The following KCNH5 variants were observed in gnomAD, a reference collection of about 807,000 sequenced individuals.
KCNH5 encodes the protein potassium voltage-gated channel subfamily H member 5.
A neutral mutation model predicts 96.1 loss-of-function variants in KCNH5; 46 were observed. The ratio of observed to expected loss-of-function variants is 0.48; its 90% CI spans 0.38 to 0.61. The LOEUF (loss-of-function observed/expected upper bound fraction) is 0.61. KCNH5 is among the 20% of genes least tolerant of loss of function. The pLI is 0.00. For missense variants in KCNH5, 907 were observed against 1,225.8 expected (o/e 0.74, Z 3.88); for synonymous variants, 439 against 449.8 (o/e 0.98, Z 0.30).
intron 8 of KCNH5, among the ~76,000 whole-genome samples, chr14:62,843,664 C>G (rs1887633537): frequency 6.6e-6 from 1 of 152,108 alleles, no homozygotes; most frequent in African/African-American, 2.4e-5. Context: ...CCTGCCTCAG[C>G]CTCCCAAAGT....
intron 6 of KCNH5, among the ~76,000 whole-genome samples, chr14:62,968,965 C>T (rs759981249): frequency 6.6e-6 from 1 of 152,232 alleles, no homozygotes; most frequent in African/African-American, 2.4e-5. Context: ...TAATCCAATA[C>T]TCAATATAAA....
chr14:62,806,844 G>T (rs1229313794), intron 8 of KCNH5, among the ~76,000 whole-genome samples: 1 of 152,142 alleles, frequency 6.6e-6, no homozygotes, highest in Admixed American at 6.6e-5. Flanking sequence ...GATGTTAACT[G>T]CTATTCTCTT....
intron 7 of KCNH5, among the ~76,000 whole-genome samples, chr14:62,850,257 T>C (rs946761653): frequency 6.6e-6 from 1 of 152,226 alleles, no homozygotes; most frequent in Non-Finnish European, 1.5e-5. Flanking sequence ...TCTTCAGGGA[T>C]TGATGATCCA....
At chr14:62,784,022 T>C (rs1886271744) in intron 9 of KCNH5, among the ~76,000 whole-genome samples, 3 of 151,910 alleles carry the variant, frequency 2.0e-5, no homozygotes, top group Middle Eastern at 6.8e-3. Context: ...TATTAGTCTA[T>C]TCTCACACTG....
chr14:62,880,546 G>A (rs942853988), intron 7 of KCNH5, among the ~76,000 whole-genome samples: 4 of 152,160 alleles, frequency 2.6e-5, no homozygotes, highest in African/African-American at 7.2e-5. Flanking sequence ...GAGAGTCCTC[G>A]CCAAAAAAAC....
rs186184161 is a variant in KCNH5, at chr14:62,849,889, C to T, written c.1370-37G>A. 19 of 1,479,600 alleles carry T rather than the reference C, an allele frequency of 1.3e-5. No individual in the cohort carries two copies. The Admixed American group carries it at 2.6e-4, about 20-fold the overall frequency. The allele number at this position is 1,479,600 out of a possible 1,614,324, so 91.7% of individuals were successfully genotyped here. ...GAAATGATAAAAATAAAACAAATAT[C>T]TCATGTGAAAAAAATACAAATATTT... is the stretch of plus-strand genomic sequence containing the variant. On this transcript the variant is annotated intron_variant, in intron 7 of 10. Coordinates refer to ENST00000322893, the MANE Select transcript of KCNH5 (RefSeq NM_139318.5).
At chr14:62,940,903 C>T (rs181007876) in intron 7 of KCNH5, among the ~76,000 whole-genome samples, 26 of 152,292 alleles carry the variant, frequency 1.7e-4, no homozygotes, top group Non-Finnish European at 1.2e-4. Context: ...AGGACAAAGA[C>T]AGATCCTCTT....
At chr14:62,951,962 C>CAAAA (rs36114434) in intron 6 of KCNH5, among the ~76,000 whole-genome samples, 17 of 105,400 alleles carry the variant, frequency 1.6e-4, no homozygotes, top group Non-Finnish European at 2.8e-4. Context: ...GACTCCGTCT[C>CAAAA]AAAAAAAAAA....
chr14:62,833,917 T>C (rs28445316), intron 8 of KCNH5, among the ~76,000 whole-genome samples: 15,222 of 152,044 alleles, frequency 0.1, 1,057 homozygotes, highest in East Asian at 0.29. Flanking sequence ...CAAGTCCCAC[T>C]GTCTTAATTA....
intron 7 of KCNH5, among the ~76,000 whole-genome samples, chr14:62,894,580 A>G (rs1459102162): frequency 6.6e-6 from 1 of 152,188 alleles, no homozygotes; most frequent in Non-Finnish European, 1.5e-5. Flanking sequence ...ACCATATTCA[A>G]ACAACACCCC....
chr14:62,815,073 A>G (rs1377701116), intron 8 of KCNH5, among the ~76,000 whole-genome samples: 2 of 152,200 alleles, frequency 1.3e-5, no homozygotes, highest in Non-Finnish European at 2.9e-5. Context: ...ATTGTGGCAC[A>G]GTCACATAAT....
chr14:62,851,648 A>G (rs1235526218), intron 7 of KCNH5, among the ~76,000 whole-genome samples: 1 of 152,104 alleles, frequency 6.6e-6, no homozygotes, highest in Non-Finnish European at 1.5e-5. Flanking sequence ...TTTTCAGAAA[A>G]GAGAAATAAG....
chr14:62,842,833 T>C (rs190282883), intron 8 of KCNH5, among the ~76,000 whole-genome samples: 2 of 152,332 alleles, frequency 1.3e-5, no homozygotes, highest in East Asian at 1.9e-4. Context: ...AATTAGTGAA[T>C]TATTACAGAT....
chr14:62,712,208 T>A (rs556389434), intron 10 of KCNH5: 5 of 152,848 alleles, frequency 3.3e-5, no homozygotes, highest in South Asian at 2.0e-4. Context: ...GTAGTTTTTT[T>A]TAAAAAAAAT....
At chr14:63,007,444 T>C (rs536744077) in intron 2 of KCNH5, among the ~76,000 whole-genome samples, 2 of 152,216 alleles carry the variant, frequency 1.3e-5, no homozygotes, top group Admixed American at 6.5e-5. Context: ...TAAGAAGAAA[T>C]AAAACACTTC....
intron 7 of KCNH5, among the ~76,000 whole-genome samples, chr14:62,903,771 A>G (rs1888974798): frequency 6.6e-6 from 1 of 152,210 alleles, no homozygotes; most frequent in African/African-American, 2.4e-5. Context: ...AATAATGAAT[A>G]GATATAGATG....
At chr14:62,720,743 A>AAAC (rs1263927228) in intron 10 of KCNH5, among the ~76,000 whole-genome samples, 4 of 152,156 alleles carry the variant, frequency 2.6e-5, no homozygotes, top group African/African-American at 7.2e-5. Context: ...CCCAGAGGAA[A>AAAC]AACAACAACA....
intron 10 of KCNH5, among the ~76,000 whole-genome samples, chr14:62,746,545 C>A (rs1188150421): frequency 3.3e-5 from 5 of 152,212 alleles, no homozygotes; most frequent in Non-Finnish European, 2.9e-5. Context: ...GGGCTGTTTC[C>A]ATTAGCAGGC....
rs1447297190 is a variant in KCNH5 at position 62,950,306 on chromosome 14, G to A, written c.1196C>T (p.Pro399Leu). The change falls in exon 7 of 11, where the codon CCA (proline) becomes CTA (leucine). Residue 399 changes from proline (P) to leucine (L), a missense_variant. Around this residue, in one of 6 missense-constraint regions of KCNH5, gnomAD observed 370 missense variants for 561.3 expected, o/e 0.66. Transcript: ENST00000322893. ...LYQLALSIGT[P>L]YRYNTSAGIW... The stretch of plus-strand genomic sequence containing the variant: ...CCCAGCACTGGTATTGTAGCGATAT[G>A]GAGTCCCAATGCTCAAAGCCAGCTG... The A allele has an allele frequency of 2.2e-5, 36 of 1,613,920 alleles. No homozygotes were observed. The highest frequency in any genetic ancestry group is 3.0e-5 in the Non-Finnish European group (35 of 1,179,980).
Sources: gnomAD v4.1 joint callset for allele counts (sites outside exome capture counted in the v4.1 genomes callset) on GRCh38, gnomAD v4.1.1 for gene constraint, gnomAD v4.1.1 regional missense constraint, MANE v1.5 for transcripts, NCBI Gene and HGNC (gene_info 2026-07-23, HGNC 2026-07-21) for gene names.